The following EGLN3 variants were observed in gnomAD, a reference collection of about 807,000 sequenced individuals.
EGLN3 encodes egl-9 family hypoxia inducible factor 3.
In EGLN3, 15 loss-of-function variants were observed where a neutral mutation model predicts 26.0. The observed-to-expected ratio is 0.58, with a 90% CI of 0.39 to 0.89. EGLN3 has a LOEUF of 0.89. EGLN3 is among the 40% of genes least tolerant of loss of function. The pLI is 0.00. For synonymous variants in EGLN3, 147 were observed against 127.2 expected (o/e 1.16, Z -1.05); for missense variants, 238 against 311.6 (o/e 0.76, Z 1.78).
At chr14:33,932,487 G>A (rs1046224320) in intron 1 of EGLN3, among the ~76,000 whole-genome samples, 4 of 152,024 alleles carry the variant, frequency 2.6e-5, no homozygotes, top group Non-Finnish European at 4.4e-5. Context: ...CAGCTTCAAC[G>A]TGGCTGCCGA....
At chr14:33,940,137 T>A (rs776296592) in intron 1 of EGLN3, among the ~76,000 whole-genome samples, 4 of 152,192 alleles carry the variant, frequency 2.6e-5, no homozygotes, top group African/African-American at 9.6e-5. Flanking sequence ...CTTGTCCAAG[T>A]CATCTTGTCT....
intron 2 of EGLN3, 82 bp downstream of exon 2, chr14:33,931,014 A>G: frequency 6.4e-7 from 1 of 1,573,650 alleles, no homozygotes; most frequent in Non-Finnish European, 8.6e-7. Context: ...CTATGAACTC[A>G]ATATAAACTC....
intron 1 of EGLN3, among the ~76,000 whole-genome samples, chr14:33,947,235 G>T (rs912556898): frequency 6.6e-6 from 1 of 152,178 alleles, no homozygotes; most frequent in Non-Finnish European, 1.5e-5. Context: ...ATCTCCAAAA[G>T]GGAGTAGCGA....
In EGLN3 at chr14:33,935,707, G is replaced by A. The variant is rs2064437386; in HGVS notation, c.358-4492C>T. Among the ~76,000 whole-genome samples, 4 of 152,098 alleles carry A rather than the reference G, an allele frequency of 2.6e-5. No homozygotes were observed. The South Asian group carries it at 6.2e-4, about 24-fold the overall frequency. On this transcript the variant is annotated intron_variant, in intron 1 of 4. Transcript: ENST00000250457. Reference sequence around the variant, plus strand: ...CAAGAAGTAAAGCTACTTTGAGACAGCTGCTGAGTGGGCACCTTCCCCATC... The same window carrying A: ...CAAGAAGTAAAGCTACTTTGAGACAACTGCTGAGTGGGCACCTTCCCCATC...
intron 3 of EGLN3, among the ~76,000 whole-genome samples, chr14:33,927,898 T>C (rs2138809386): frequency 6.6e-6 from 1 of 152,320 alleles, no homozygotes; most frequent in East Asian, 1.9e-4. Flanking sequence ...TCCCCACTAA[T>C]TTGCTTTATC....
intron 1 of EGLN3, among the ~76,000 whole-genome samples, chr14:33,947,461 C>A (rs2064526009): frequency 6.6e-6 from 1 of 152,186 alleles, no homozygotes; most frequent in African/African-American, 2.4e-5. Context: ...TCCACAATTT[C>A]AATTTTAGGT....
At chr14:33,945,347 A>T (rs2064510444) in intron 1 of EGLN3, among the ~76,000 whole-genome samples, 1 of 152,216 alleles carries the variant, frequency 6.6e-6, no homozygotes, top group Non-Finnish European at 1.5e-5. Context: ...TATAACTCTC[A>T]TGGGCCCTGG....
chr14:33,936,146 C>T (rs1365721159), intron 1 of EGLN3, among the ~76,000 whole-genome samples: 1 of 152,100 alleles, frequency 6.6e-6, no homozygotes, highest in Non-Finnish European at 1.5e-5. Flanking sequence ...AGGAGAATTG[C>T]TTGAACCTGG....
chr14:33,933,493 C>T (rs61973046), intron 1 of EGLN3, among the ~76,000 whole-genome samples: 1 of 152,014 alleles, frequency 6.6e-6, no homozygotes, highest in African/African-American at 2.4e-5. Flanking sequence ...TTTTTCTGGC[C>T]AGAGTGAACA....
At chr14:33,931,547 T>C (rs1381763806) in intron 1 of EGLN3, among the ~76,000 whole-genome samples, 1 of 152,238 alleles carries the variant, frequency 6.6e-6, no homozygotes, top group East Asian at 1.9e-4. Context: ...TACTCCTTTT[T>C]GGAAAAGCAG....
intron 3 of EGLN3, among the ~76,000 whole-genome samples, chr14:33,928,536 A>G (rs2064378452): frequency 6.6e-6 from 1 of 152,218 alleles, no homozygotes; most frequent in South Asian, 2.1e-4. Flanking sequence ...TGATAAAGAA[A>G]AGATTAATAA....
chr14:33,937,690 T>C (rs1358516980), intron 1 of EGLN3, among the ~76,000 whole-genome samples: 1 of 152,174 alleles, frequency 6.6e-6, no homozygotes, highest in East Asian at 1.9e-4. Context: ...GCCCTCCTCA[T>C]TTGTCCTAAA....
Position 33,925,529 on chromosome 14 carries a change from T to A in EGLN3, c.*362A>T, listed in dbSNP as rs1050325958. ...ACCTCCATTTTTTTCTTTTCAAACC[T>A]CCTCCTTTCAAATCAGGAAGTATAC... On this transcript the variant is annotated 3_prime_UTR_variant, in exon 5 of 5. Transcript: ENST00000250457. 1 of 180,318 alleles carries A rather than the reference T, an allele frequency of 5.5e-6. No individual in the cohort carries two copies. The highest frequency in any genetic ancestry group is 2.4e-5 in the African/African-American group (1 of 42,336). The allele number at this position is 180,318 out of a possible 1,614,324, so 11.2% of individuals were successfully genotyped here.
At position 33,950,578 on chromosome 14, in the gene EGLN3, C is replaced by A. The variant is rs768641384; in HGVS notation, c.175G>T (p.Gly59Cys). ...QLHCTGALRD[G>C]QLAGPRAGVS... ...CCGGCGCGCGGCCCCGCCAGCTGGC[C>A]GTCCCGCAGGGCCCCGGTGCAGTGC... Residue 59 changes from glycine to cysteine, a missense_variant, in exon 1 of 5, where the codon GGC becomes TGC. Physicochemically the swap from Gly to Cys is radical, Grantham distance 159. Coordinates refer to ENST00000250457, the MANE Select transcript of EGLN3 (RefSeq NM_022073.4). 1 of 1,612,068 alleles carries A rather than the reference C, an allele frequency of 6.2e-7. No individual in the cohort carries two copies. Among genetic ancestry groups the A allele is most frequent in the South Asian group, 1.1e-5 (1 of 91,004 alleles).
chr14:33,929,959 G>A (rs1331325727), intron 2 of EGLN3, among the ~76,000 whole-genome samples: 3 of 152,078 alleles, frequency 2.0e-5, no homozygotes, highest in Non-Finnish European at 4.4e-5. Context: ...CTCATTAGTT[G>A]GAAGTTACAT....
intron 1 of EGLN3, among the ~76,000 whole-genome samples, chr14:33,938,341 G>A (rs1215855745): frequency 3.3e-5 from 5 of 152,300 alleles, no homozygotes; most frequent in East Asian, 1.9e-4. Flanking sequence ...CTCCTTGGAG[G>A]GGATTCAGCC....
chr14:33,946,762 AAAC>A (rs1405441150), intron 1 of EGLN3, among the ~76,000 whole-genome samples: 5 of 152,204 alleles, frequency 3.3e-5, no homozygotes. Flanking sequence ...AACATTTCAT[AAAC>A]ATCATCTTAT....
chr14:33,936,820 A>T (rs74676685), intron 1 of EGLN3, among the ~76,000 whole-genome samples: 2,820 of 34,608 alleles, frequency 0.081, 33 homozygotes, highest in Middle Eastern at 0.26. Context: ...AGTTTTATTT[A>T]AAAAAAAAAA....
intron 1 of EGLN3, among the ~76,000 whole-genome samples, chr14:33,946,580 GC>G (rs368828130): frequency 8.8e-4 from 134 of 152,208 alleles, no homozygotes; most frequent in Middle Eastern, 3.4e-3. Context: ...CCCCTGCACA[GC>G]ATCCCACACA....
Sources: allele counts gnomAD v4.1 joint callset (sites outside exome capture counted in the v4.1 genomes callset), GRCh38; gene constraint gnomAD v4.1.1; transcripts MANE v1.5; gene names NCBI Gene and HGNC (gene_info 2026-07-23, HGNC 2026-07-21).